Variants in PTK2 observed in about 807,000 individuals in gnomAD.
The protein encoded by PTK2 is protein tyrosine kinase 2.
A neutral mutation model predicts 150.1 loss-of-function variants in PTK2; 45 were observed. That is an observed-to-expected ratio of 0.30 (90% CI 0.24 to 0.38). PTK2 has a LOEUF of 0.38. Among genes scored for constraint, PTK2 ranks in the 10% least tolerant of loss-of-function variants. PTK2 has a pLI of 1.00. For missense variants in PTK2, 919 were observed against 1,307.3 expected, an observed-to-expected ratio of 0.70 and a Z score of 4.58; for synonymous variants, 432 against 449.2, an observed-to-expected ratio of 0.96 and a Z score of 0.48.
At chr8:140,921,168 T>G (rs2100167264) in intron 2 of PTK2, 25 of 1,174,324 alleles carry the variant, frequency 2.1e-5, no homozygotes, top group Middle Eastern at 3.4e-4. Context: ...ATCAAGCTAC[T>G]GAACAGAATG....
At chr8:140,769,650 T>C (rs1032263059) in intron 14 of PTK2, 58 bp from the exon 16 acceptor site, 5 of 1,207,274 alleles carry the variant, frequency 4.1e-6, no homozygotes, top group Non-Finnish European at 5.6e-6. Flanking sequence ...GAGGGAGACA[T>C]AGGAAGGAGA....
At chr8:140,730,387 A>G (rs1476848581) in intron 22 of PTK2, among the ~76,000 whole-genome samples, 1 of 152,242 alleles carries the variant, frequency 6.6e-6, no homozygotes, top group African/African-American at 2.4e-5. Flanking sequence ...TTAATCCCAC[A>G]AACTGTTGAG....
chr8:140,713,939 T>C (rs1276940490), intron 23 of PTK2, among the ~76,000 whole-genome samples: 1 of 152,204 alleles, frequency 6.6e-6, no homozygotes, highest in Non-Finnish European at 1.5e-5. Flanking sequence ...CAGGCTGGAA[T>C]GCAAAGGTGC....
chr8:140,847,696 T>C (rs1455665746), intron 5 of PTK2, among the ~76,000 whole-genome samples: 3 of 152,232 alleles, frequency 2.0e-5, no homozygotes, highest in Non-Finnish European at 2.9e-5. Flanking sequence ...TTCTGTACTT[T>C]CATAATACCC....
At chr8:140,836,414 T>C (rs1211181791) in intron 7 of PTK2, among the ~76,000 whole-genome samples, 1 of 152,170 alleles carries the variant, frequency 6.6e-6, no homozygotes, top group Non-Finnish European at 1.5e-5. Flanking sequence ...AGCAGCCTCT[T>C]AGGCTATGAG....
intron 29 of PTK2, chr8:140,672,199 T>C (rs1295619260): frequency 4.5e-6 from 2 of 448,190 alleles, no homozygotes; most frequent in African/African-American, 2.0e-5. Context: ...TCTGTCCCCT[T>C]TTCTTTTTTT....
At chr8:140,830,588 T>C (rs1352185508) in intron 7 of PTK2, 62 bp from the exon 8 acceptor site, 4 of 993,198 alleles carry the variant, frequency 4.0e-6, no homozygotes, top group Non-Finnish European at 6.0e-6. Flanking sequence ...TATGACAAAC[T>C]TGCAAGAACA....
chr8:140,950,479 T>C (rs2166869), intron 1 of PTK2, among the ~76,000 whole-genome samples: 63,510 of 152,186 alleles, frequency 0.42, 15,180 homozygotes, highest in Non-Finnish European at 0.55. Flanking sequence ...CTACAGCAGC[T>C]GGCTGTGCAA....
chr8:140,849,044 T>C (rs761097267), intron 5 of PTK2, among the ~76,000 whole-genome samples: 7 of 152,212 alleles, frequency 4.6e-5, no homozygotes, highest in Non-Finnish European at 1.0e-4. Flanking sequence ...AGGGGGAAAT[T>C]ATAATAATCT....
intron 1 of PTK2, among the ~76,000 whole-genome samples, chr8:140,989,700 G>A (rs2154610212): frequency 1.3e-5 from 2 of 152,068 alleles, no homozygotes; most frequent in Middle Eastern, 6.8e-3. Flanking sequence ...CCTAAGGAGA[G>A]GAATTCGGGA....
intron 1 of PTK2, among the ~76,000 whole-genome samples, chr8:140,979,266 A>C (rs1347441706): frequency 6.6e-6 from 1 of 151,928 alleles, no homozygotes; most frequent in Non-Finnish European, 1.5e-5. Flanking sequence ...ATTAAAAAAA[A>C]GAAAAAAAAA....
chr8:140,803,867 G>A (rs1268749581), intron 10 of PTK2, among the ~76,000 whole-genome samples: 1 of 152,208 alleles, frequency 6.6e-6, no homozygotes, highest in Non-Finnish European at 1.5e-5. Context: ...TCTGTGATGT[G>A]CTGAGGAGAC....
intron 23 of PTK2, among the ~76,000 whole-genome samples, chr8:140,711,497 C>A (rs1354554941): frequency 6.6e-6 from 1 of 152,212 alleles, no homozygotes; most frequent in South Asian, 2.1e-4. Context: ...AGAATGAATT[C>A]TGCTTTATAT....
intron 9 of PTK2, 82 bp downstream of exon 9, chr8:140,818,798 C>A: frequency 7.0e-7 from 1 of 1,424,308 alleles, no homozygotes; most frequent in Non-Finnish European, 9.5e-7. Context: ...AGCATTTTTT[C>A]ATCAGAAATT....
chr8:140,971,653 T>C (rs925371004), intron 1 of PTK2, among the ~76,000 whole-genome samples: 10 of 152,242 alleles, frequency 6.6e-5, no homozygotes, highest in African/African-American at 2.4e-4. Context: ...GAATTTATAC[T>C]GTAGTAAAGT....
chr8:140,690,486 A>C (rs1327784663), intron 26 of PTK2, among the ~76,000 whole-genome samples: 1 of 152,234 alleles, frequency 6.6e-6, no homozygotes, highest in African/African-American at 2.4e-5. Context: ...GTGGTCATTT[A>C]ATAGTTACAT....
intron 15 of PTK2, 119 bp downstream of exon 17, chr8:140,764,115 G>A: frequency 1.2e-6 from 1 of 855,050 alleles, no homozygotes; most frequent in Non-Finnish European, 2.0e-6. Context: ...GAATATTTCT[G>A]TTCAGCATCC....
intron 10 of PTK2, among the ~76,000 whole-genome samples, chr8:140,811,564 A>C (rs572257513): frequency 1.3e-4 from 20 of 152,342 alleles, no homozygotes; most frequent in South Asian, 4.1e-4. Context: ...AACTGGGTTG[A>C]GATGGCTGAA....
intron 1 of PTK2, among the ~76,000 whole-genome samples, chr8:140,968,707 C>T (rs1434198439): frequency 6.6e-6 from 1 of 152,130 alleles, no homozygotes; most frequent in African/African-American, 2.4e-5. Flanking sequence ...TAGGCATAGT[C>T]AATACATTCA....
Sources: allele counts gnomAD v4.1 joint callset (sites outside exome capture counted in the v4.1 genomes callset), GRCh38; gene constraint gnomAD v4.1.1; transcripts MANE v1.5; gene names NCBI Gene and HGNC (gene_info 2026-07-23, HGNC 2026-07-21).